ADGRB3: variants seen among roughly 807,000 people sequenced by gnomAD.
The protein encoded by ADGRB3 is adhesion G protein-coupled receptor B3.
Under a neutral mutation model 193.4 loss-of-function variants are expected in ADGRB3, and 37 were observed. The observed-to-expected ratio is 0.19, with a 90% CI of 0.15 to 0.25. ADGRB3 has a LOEUF of 0.25. Among genes scored for constraint, ADGRB3 ranks in the 10% least tolerant of loss-of-function variants. The pLI is 1.00. For missense variants in ADGRB3, 1,637 were observed against 1,852.9 expected, an observed-to-expected ratio of 0.88 and a Z score of 2.14; for synonymous variants, 690 against 644.2, an observed-to-expected ratio of 1.07 and a Z score of -1.08.
At chr6:69,209,418 T>G (rs1386971637) in intron 17 of ADGRB3, among the ~76,000 whole-genome samples, 3 of 152,132 alleles carry the variant, frequency 2.0e-5, no homozygotes, top group African/African-American at 7.2e-5. Context: ...TTTACTGAGG[T>G]AGAAGGTCCC....
At chr6:68,844,990 G>T (rs944902428) in intron 3 of ADGRB3, among the ~76,000 whole-genome samples, 2 of 152,156 alleles carry the variant, frequency 1.3e-5, no homozygotes, top group Non-Finnish European at 2.9e-5. Flanking sequence ...GGGAGGTGGG[G>T]AGGGAAGTGG....
intron 13 of ADGRB3, among the ~76,000 whole-genome samples, chr6:69,040,353 C>CTTTA (rs1191726155): frequency 1.8e-5 from 1 of 56,162 alleles, no homozygotes; most frequent in Admixed American, 2.6e-4. Flanking sequence ...TTCTTTCTTT[C>CTTTA]TTTCTTTCTT....
intron 3 of ADGRB3, among the ~76,000 whole-genome samples, chr6:68,746,401 T>A (rs1389588768): frequency 6.6e-6 from 1 of 152,066 alleles, no homozygotes; most frequent in Non-Finnish European, 1.5e-5. Context: ...CAAGAGCCCT[T>A]TCTATAACTA....
Position 69,000,080 on chromosome 6 carries a change from T to TA in ADGRB3, c.1929+6120dup, listed in dbSNP as rs555256736. On this transcript the variant is annotated intron_variant, in intron 11 of 31. Transcript: ENST00000370598. The stretch of plus-strand genomic sequence containing the variant: ...TGCTTGCTCCAGAAACTTTAAGACT[T>TA]AATAAAATTTAATCAGACATATTTA... Among the ~76,000 whole-genome samples the TA allele has an allele frequency of 2.3e-3, 350 of 152,308 alleles. 1 individual carries two copies. Among genetic ancestry groups the TA allele is most frequent in the Non-Finnish European group, 4.5e-3 (305 of 68,022 alleles).
chr6:69,096,363 G>GTTTTTTTTTTTTTTTTTTTT (rs70987448), intron 17 of ADGRB3, among the ~76,000 whole-genome samples: 1 of 132,622 alleles, frequency 7.5e-6, no homozygotes, highest in African/African-American at 2.8e-5. Flanking sequence ...ATTGTTTTGG[G>GTTTTTTTTTTTTTTTTTTTT]TTTTTTTTTT....
intron 29 of ADGRB3, 131 bp from the exon 30 acceptor site, chr6:69,372,275 C>A: frequency 2.4e-6 from 1 of 423,356 alleles, no homozygotes; most frequent in South Asian, 4.1e-5. Flanking sequence ...TACATTTTTC[C>A]TTATGTGAAG....
At chr6:69,152,271 CT>C (rs1250872525) in intron 17 of ADGRB3, among the ~76,000 whole-genome samples, 2 of 152,128 alleles carry the variant, frequency 1.3e-5, no homozygotes, top group African/African-American at 4.8e-5. Context: ...ATGGAATTCT[CT>C]TGTGGAAGTC....
chr6:69,197,789 A>G (rs562455008), intron 17 of ADGRB3, among the ~76,000 whole-genome samples: 57 of 152,078 alleles, frequency 3.7e-4, no homozygotes, highest in Non-Finnish European at 7.1e-4. Flanking sequence ...AGGCTAAGCA[A>G]TGTAAAGGCT....
intron 20 of ADGRB3, among the ~76,000 whole-genome samples, chr6:69,278,274 G>A (rs1319402355): frequency 2.6e-5 from 4 of 152,130 alleles, no homozygotes; most frequent in African/African-American, 7.2e-5. Flanking sequence ...CATTCTGATC[G>A]TTGTTTTCAT....
chr6:68,733,663 T>TGG (rs57145618), intron 3 of ADGRB3, among the ~76,000 whole-genome samples: 1 of 151,072 alleles, frequency 6.6e-6, no homozygotes, highest in African/African-American at 2.4e-5. Context: ...GGAAGGCTAG[T>TGG]GGGGTTTGGA....
At chr6:69,304,116 T>C (rs1768012259) in intron 20 of ADGRB3, among the ~76,000 whole-genome samples, 2 of 151,812 alleles carry the variant, frequency 1.3e-5, no homozygotes, top group Admixed American at 6.6e-5. Context: ...AGAGGTTATA[T>C]AATTATTTTC....
chr6:68,820,491 T>C (rs1582228705), intron 3 of ADGRB3, among the ~76,000 whole-genome samples: 1 of 152,122 alleles, frequency 6.6e-6, no homozygotes, highest in Middle Eastern at 3.4e-3. Context: ...TTCTTTGTAT[T>C]AAGGACATTC....
intron 3 of ADGRB3, among the ~76,000 whole-genome samples, chr6:68,662,695 G>A (rs959991211): frequency 1.3e-5 from 2 of 151,290 alleles, no homozygotes; most frequent in Non-Finnish European, 3.0e-5. Context: ...AGAAACTTTA[G>A]AACACAATGT....
intron 10 of ADGRB3, among the ~76,000 whole-genome samples, chr6:68,976,934 C>A (rs937587178): frequency 1.3e-5 from 2 of 150,524 alleles, no homozygotes; most frequent in African/African-American, 4.9e-5. Flanking sequence ...TATATACTTA[C>A]AATATAGAAA....
intron 24 of ADGRB3, among the ~76,000 whole-genome samples, chr6:69,333,594 G>A (rs532906857): frequency 6.6e-6 from 1 of 151,762 alleles, no homozygotes; most frequent in Admixed American, 6.6e-5. Context: ...ATTTAGAAAA[G>A]CATCTCCTTT....
intron 13 of ADGRB3, among the ~76,000 whole-genome samples, chr6:69,031,081 CTT>C (rs1385876497): frequency 1.6e-5 from 1 of 63,446 alleles, no homozygotes; most frequent in Non-Finnish European, 3.7e-5. Context: ...CTTCTCTTCT[CTT>C]CTCTTCTCTT....
intron 3 of ADGRB3, among the ~76,000 whole-genome samples, chr6:68,806,184 A>C (rs1199470691): frequency 3.3e-5 from 5 of 152,228 alleles, no homozygotes; most frequent in Non-Finnish European, 7.3e-5. Context: ...TTTAAAATAC[A>C]AAGCAAACAA....
At chr6:68,723,487 C>A (rs377488515) in intron 3 of ADGRB3, among the ~76,000 whole-genome samples, 1 of 151,634 alleles carries the variant, frequency 6.6e-6, no homozygotes, top group Non-Finnish European at 1.5e-5. Flanking sequence ...AGTCTATAAT[C>A]CCTGAAGATG....
intron 3 of ADGRB3, among the ~76,000 whole-genome samples, chr6:68,820,601 T>C (rs595715): frequency 0.093 from 14,182 of 152,044 alleles, 733 homozygotes; most frequent in African/African-American, 0.13. Context: ...TTATTCTATC[T>C]AAATATATTT....
Sources: gnomAD v4.1 joint callset for allele counts (sites outside exome capture counted in the v4.1 genomes callset) on GRCh38, gnomAD v4.1.1 for gene constraint, MANE v1.5 for transcripts, NCBI Gene and HGNC (gene_info 2026-07-23, HGNC 2026-07-21) for gene names.